BPIFB1: variants seen among roughly 807,000 people sequenced by gnomAD.
BPIFB1 encodes the protein BPI fold containing family B member 1, also known as BPI fold-containing family B member 1.
Under a neutral mutation model 55.1 loss-of-function variants are expected in BPIFB1, and 34 were observed. That is an observed-to-expected ratio of 0.62 (90% CI 0.47 to 0.82). The LOEUF (loss-of-function observed/expected upper bound fraction) is 0.82, where lower values mean the gene tolerates loss of function less well. Among genes scored for constraint, BPIFB1 ranks in the 40% least tolerant of loss-of-function variants. The probability of loss-of-function intolerance (pLI) is 0.00; values close to 1 mark genes in which losing one functional copy is unlikely to be tolerated. For synonymous variants in BPIFB1, 236 were observed against 245.3 expected (o/e 0.96, Z 0.35); for missense variants, 532 against 593.1 (o/e 0.90, Z 1.07).
At chr20:33,288,935 G>T in intron 3 of BPIFB1, 53 bp downstream of exon 3, 1 of 1,567,138 alleles carries the variant, frequency 6.4e-7, no homozygotes, top group South Asian at 1.2e-5. Flanking sequence ...ACCTTTGCCC[G>T]GGACACGCTC....
intron 14 of BPIFB1, 61 bp from the exon 15 acceptor site, chr20:33,306,850 G>GCCCCTGGCTGCCCAGTCTCA: frequency 7.0e-7 from 1 of 1,431,026 alleles, no homozygotes; most frequent in South Asian, 1.1e-5. Context: ...CCCTGAGCCT[G>GCCCCTGGCTGCCCAGTCTCA]CCCCTGGCTG....
intron 7 of BPIFB1, 108 bp downstream of exon 7, chr20:33,297,696 C>T: frequency 8.7e-7 from 1 of 1,152,014 alleles, no homozygotes. Context: ...AGCTGCAACT[C>T]AGGCCCAGAA....
In BPIFB1 at chr20:33,299,991, G is replaced by A. The variant is rs1980794756; in HGVS notation, c.747+7G>A. On this transcript the variant is annotated splice_region_variant and intron_variant, in intron 8 of 15. Transcript: ENST00000253354. ...CATTCAGCTCTACCTGGGGGTGAGT[G>A]TCCCAGGACCTTGAGGGTGAAGTGG... 1 of 1,612,272 alleles carries A rather than the reference G, an allele frequency of 6.2e-7. No individual in the cohort carries two copies. Among genetic ancestry groups the A allele is most frequent in the Non-Finnish European group, 8.5e-7 (1 of 1,178,438 alleles).
intron 6 of BPIFB1, among the ~76,000 whole-genome samples, chr20:33,295,680 G>GAAAGAAAGAAAGAAAGAAAGAA (rs1319391594): frequency 6.8e-6 from 1 of 147,148 alleles, no homozygotes; most frequent in African/African-American, 2.5e-5. Context: ...AAGAAAGAAA[G>GAAAGAAAGAAAGAAAGAAAGAA]AGAGAAAAAA....
chr20:33,291,085 T>C lies in BPIFB1; in HGVS notation c.494T>C (p.Leu165Pro). Residue 165 changes from leucine to proline, a missense_variant, in exon 5 of 16, where the codon CTG becomes CCG. By Grantham distance (98) the Leu-to-Pro change is moderately conservative (BLOSUM62 -3). Transcript: ENST00000253354. ...GACTGTGCCACCAGCCATGGGAGCC[T>C]GCGCATCCAACTGCTGCATAAGTGA... is the stretch of plus-strand genomic sequence containing the variant. ...LSDCATSHGS[L>P]RIQLLHKLSF... 6.2e-7 allele frequency: 1 copy of C among 1,612,300 alleles called. No homozygotes were observed. The highest frequency in any genetic ancestry group is 8.5e-7 in the Non-Finnish European group (1 of 1,179,994).
intron 3 of BPIFB1, 94 bp downstream of exon 3, chr20:33,288,976 C>T (rs753960817): frequency 1.2e-4 from 170 of 1,383,428 alleles, no homozygotes; most frequent in Non-Finnish European, 1.4e-4. Context: ...CTGCAAGCAT[C>T]GACTTGTGTC....
At chr20:33,306,850 GC>G in intron 14 of BPIFB1, 60 bp from the exon 15 acceptor site, 1 of 1,431,026 alleles carries the variant, frequency 7.0e-7, no homozygotes, top group Non-Finnish European at 9.9e-7. Context: ...CCCTGAGCCT[GC>G]CCCTGGCTGC....
chr20:33,285,430 C>T (rs781768472), intron 1 of BPIFB1, among the ~76,000 whole-genome samples: 6 of 133,650 alleles, frequency 4.5e-5, no homozygotes, highest in Non-Finnish European at 7.4e-5. Context: ...ATAGCTAATA[C>T]AGGCTGGGCG....
At chr20:33,302,827 G>A in intron 10 of BPIFB1, 89 bp from the exon 11 acceptor site, 3 of 1,484,432 alleles carry the variant, frequency 2.0e-6, no homozygotes, top group Non-Finnish European at 2.8e-6. Context: ...AGGGAGCCCA[G>A]GAAGGCAGGC....
rs768031692 is a variant in BPIFB1 at position 33,301,223 on chromosome 20, G to C, written c.748-10G>C. 3 of 1,612,242 alleles carry C rather than the reference G, an allele frequency of 1.9e-6. No individual in the cohort carries two copies. The highest frequency in any genetic ancestry group is 2.2e-5 in the East Asian group (1 of 44,812). On this transcript the variant is annotated splice_polypyrimidine_tract_variant and intron_variant, in intron 8 of 15. Transcript: ENST00000253354. The stretch of plus-strand genomic sequence containing the variant: ...AAATTCTTAGCTGACTCCCTGCTCT[G>C]TCTCCTCAGGCCAAGTTGTTGGACT...
chr20:33,296,080 A>G (rs7271592), intron 6 of BPIFB1, among the ~76,000 whole-genome samples: 19,543 of 152,146 alleles, frequency 0.13, 4,097 homozygotes, highest in African/African-American at 0.44. Flanking sequence ...AACCTGAGAA[A>G]CCTTTAAAAA....
intron 12 of BPIFB1, 147 bp from the exon 13 acceptor site, chr20:33,304,699 G>T: frequency 1.3e-6 from 1 of 746,874 alleles, no homozygotes; most frequent in Non-Finnish European, 2.2e-6. Flanking sequence ...TAGAATGCAA[G>T]CTCCACGACG....
rs747211248 is a variant in BPIFB1 at position 33,297,583 on chromosome 20, T to A, written c.656T>A (p.Val219Glu). The change falls in exon 7 of 16, where the codon GTG (valine) becomes GAG (glutamate). Residue 219 changes from valine (V) to glutamate (E), a missense_variant. Transcript: ENST00000253354. ...ATGTATGCAGACCTCCTGCAGCTGG[T>A]GAAGGGTAGGTGCTCTGCTCTCTCT... ...NGMYADLLQLVKVPISLSIDR... is the reference protein window; with the variant it reads ...NGMYADLLQLEKVPISLSIDR... 3.0e-5 allele frequency: 49 copies of A among 1,614,016 alleles called. No homozygotes were observed. Among genetic ancestry groups the A allele is most frequent in the Middle Eastern group, 1.6e-4 (1 of 6,082 alleles).
In BPIFB1 at chr20:33,308,710, AC is replaced by A. The variant is rs201210756; in HGVS notation, c.1396-997del. Among the ~76,000 whole-genome samples, 1,080 of 150,466 alleles carry A rather than the reference AC, an allele frequency of 7.2e-3. 29 individuals are homozygous for A. The highest frequency in any genetic ancestry group is 0.025 in the African/African-American group (1,001 of 40,200). On this transcript the variant is annotated intron_variant, in intron 15 of 15. Transcript: ENST00000253354. ...CATACATACACACACACACCTTTAT[AC>A]ACCTATACATATACATACACACACA...
intron 1 of BPIFB1, among the ~76,000 whole-genome samples, chr20:33,283,958 A>G (rs558681917): frequency 6.6e-6 from 1 of 152,278 alleles, no homozygotes; most frequent in South Asian, 2.1e-4. Flanking sequence ...GGTATTTGCA[A>G]GGAAAATATG....
rs1179806819 is a variant in BPIFB1, at chr20:33,295,944, AAG to A, written c.598-1572_598-1571del. Among the ~76,000 whole-genome samples the A allele has an allele frequency of 2.1e-3, 273 of 131,616 alleles. 3 individuals carry two copies. The highest frequency in any genetic ancestry group is 2.6e-3 in the Non-Finnish European group (158 of 61,796). 86.3% of individuals were successfully genotyped at this position (131,616 alleles called of 152,430 possible). On this transcript the variant is annotated intron_variant, in intron 6 of 15. Transcript: ENST00000253354. ...AAAGGGAAGGAAGGAAGGACGGAAA[AAG>A]AGAGAGAGGGAGGGAGGGAAGAAAG...
At chr20:33,287,418 C>T (rs140667724) in intron 2 of BPIFB1, among the ~76,000 whole-genome samples, 447 of 152,264 alleles carry the variant, frequency 2.9e-3, no homozygotes, top group African/African-American at 0.01. Flanking sequence ...ACAGTAAATG[C>T]CAACAGGTAA....
intron 6 of BPIFB1, among the ~76,000 whole-genome samples, chr20:33,292,625 G>C: frequency 6.6e-6 from 1 of 152,320 alleles, no homozygotes; most frequent in South Asian, 2.1e-4. Context: ...GTACAAGCTG[G>C]CTCTAGCACG....
chr20:33,299,238 G>T (rs1356736393), intron 7 of BPIFB1: 1 of 450,782 alleles, frequency 2.2e-6, no homozygotes, highest in East Asian at 7.0e-5. Flanking sequence ...GTAGGCGGCC[G>T]GTCCCTGGCC....
Sources: allele counts gnomAD v4.1 joint callset (sites outside exome capture counted in the v4.1 genomes callset), GRCh38; gene constraint gnomAD v4.1.1; transcripts MANE v1.5; gene names NCBI Gene and HGNC (gene_info 2026-07-23, HGNC 2026-07-21).